Variants in STAG1 observed in about 807,000 individuals in gnomAD.
STAG1 encodes cohesin subunit SA-1.
A neutral mutation model predicts 170.9 loss-of-function variants in STAG1; 26 were observed. The ratio of observed to expected loss-of-function variants is 0.15; its 90% confidence interval spans 0.11 to 0.21. The LOEUF is 0.21. STAG1 is among the 10% of genes least tolerant of loss of function. The pLI is 1.00. For missense variants in STAG1, 964 were observed against 1,509.5 expected (o/e 0.64, Z 5.99); for synonymous variants, 514 against 497.7 (o/e 1.03, Z -0.44).
At chr3:136,383,128 T>A (rs80081203) in intron 22 of STAG1, among the ~76,000 whole-genome samples, 1 of 152,202 alleles carries the variant, frequency 6.6e-6, no homozygotes, top group Non-Finnish European at 1.5e-5. Context: ...CATGTGATAG[T>A]AAGTATCTAT....
chr3:136,348,291 G>GGT (rs1344690025), intron 29 of STAG1, among the ~76,000 whole-genome samples: 7 of 150,440 alleles, frequency 4.7e-5, no homozygotes, highest in African/African-American at 1.5e-4. Context: ...GCAATTTTTA[G>GGT]GTTTTTTTTT....
At chr3:136,541,603 T>C (rs996147457) in intron 6 of STAG1, among the ~76,000 whole-genome samples, 37 of 115,890 alleles carry the variant, frequency 3.2e-4, no homozygotes, top group Non-Finnish European at 4.1e-5. Flanking sequence ...TTGGGAGAAT[T>C]TCCACGTAAA....
Position 136,717,380 on chromosome 3 carries a change from G to A in STAG1, c.-84+34815C>T, listed in dbSNP as rs570817171. ...TGAGAAATCAATTCTAAATAATATG[G>A]AGGTCGGGTGTGGTGGCTCATGCTT... On this transcript the variant is annotated intron_variant, in intron 1 of 33. Transcript: ENST00000383202. 1.9e-3 allele frequency among the ~76,000 whole-genome samples: 285 copies of A among 152,266 alleles called. 2 individuals are homozygous for A. The highest frequency in any genetic ancestry group is 0.014 in the Middle Eastern group (4 of 294).
chr3:136,385,529 A>G (rs1013054425), intron 22 of STAG1, among the ~76,000 whole-genome samples: 4 of 152,258 alleles, frequency 2.6e-5, no homozygotes, highest in African/African-American at 9.6e-5. Flanking sequence ...AAATCATAGT[A>G]TCTTGGTTAT....
intron 8 of STAG1, among the ~76,000 whole-genome samples, chr3:136,501,175 T>G (rs901707631): frequency 2.0e-5 from 3 of 152,240 alleles, no homozygotes; most frequent in Non-Finnish European, 2.9e-5. Flanking sequence ...TTTTATTGCA[T>G]TTATCATATA....
intron 4 of STAG1, among the ~76,000 whole-genome samples, chr3:136,597,332 A>C (rs937023292): frequency 2.0e-5 from 3 of 152,162 alleles, no homozygotes; most frequent in Non-Finnish European, 2.9e-5. Flanking sequence ...CCACAGTGTA[A>C]ACACTCATTA....
At chr3:136,421,035 T>G in intron 20 of STAG1, 58 bp downstream of exon 20, 1 of 1,051,630 alleles carries the variant, frequency 9.5e-7, no homozygotes, top group Non-Finnish European at 1.4e-6. Context: ...CCTCTCAAAG[T>G]GTTGGGGTTA....
chr3:136,446,474 A>G (rs2088780981), intron 14 of STAG1, among the ~76,000 whole-genome samples: 1 of 151,336 alleles, frequency 6.6e-6, no homozygotes, highest in Non-Finnish European at 1.5e-5. Context: ...CCAGCCTGGA[A>G]TGCTACGGCA....
At position 136,630,853 on chromosome 3, in the gene STAG1, A is replaced by T; in HGVS notation, c.29+17T>A. 6.5e-7 allele frequency: 1 copy of T among 1,529,860 alleles called. No homozygotes were observed. The highest frequency in any genetic ancestry group is 1.4e-5 in the African/African-American group (1 of 71,824). The allele number at this position is 1,529,860 out of a possible 1,614,324, so 94.8% of individuals were successfully genotyped here. A position where few individuals can be genotyped will look rare whatever the true frequency, so the allele number is the denominator to read the frequency against. On this transcript the variant is annotated intron_variant, in intron 2 of 33. Transcript: ENST00000383202. ...TTTCCTTAAAAAATATAAAAAAAAG[A>T]AAATTACAATACTTACTGTAACACT...
Position 136,422,937 on chromosome 3 carries a change from TA to T in STAG1, c.1743+14del. 1 of 1,590,930 alleles carries T rather than the reference TA, an allele frequency of 6.3e-7. No homozygotes were observed. Among genetic ancestry groups the T allele is most frequent in the Non-Finnish European group, 8.6e-7 (1 of 1,166,298 alleles). On this transcript the variant is annotated intron_variant, in intron 17 of 33. Transcript: ENST00000383202. ...CAAACTCAGTGACATAACAAAACTG[TA>T]AATGAAACTGTACCTTTGACAGTAA...
At chr3:136,687,874 C>T (rs182427093) in intron 1 of STAG1, among the ~76,000 whole-genome samples, 292 of 151,792 alleles carry the variant, frequency 1.9e-3, no homozygotes, top group South Asian at 7.7e-3. Context: ...GTAGCTGGGA[C>T]TACCAACGTC....
intron 4 of STAG1, among the ~76,000 whole-genome samples, chr3:136,595,068 C>G (rs1207131045): frequency 6.6e-6 from 1 of 152,110 alleles, no homozygotes; most frequent in Non-Finnish European, 1.5e-5. Flanking sequence ...CATGTCCAGC[C>G]CTATAGTCCA....
chr3:136,703,484 A>G (rs1943137142), intron 1 of STAG1, among the ~76,000 whole-genome samples: 2 of 152,182 alleles, frequency 1.3e-5, no homozygotes, highest in Admixed American at 1.3e-4. Flanking sequence ...CACTGTTTCA[A>G]TCCCATTGAG....
intron 22 of STAG1, among the ~76,000 whole-genome samples, chr3:136,378,524 C>T (rs112754786): frequency 2.0e-5 from 3 of 152,210 alleles, no homozygotes; most frequent in South Asian, 2.1e-4. Flanking sequence ...GAAAATTAGC[C>T]GCGCATGGTG....
intron 22 of STAG1, among the ~76,000 whole-genome samples, chr3:136,396,053 C>T (rs965384304): frequency 9.2e-5 from 14 of 152,110 alleles, no homozygotes; most frequent in Admixed American, 2.6e-4. Flanking sequence ...CAGATGTGCG[C>T]CATGATGCCC....
chr3:136,642,507 C>A (rs1198974463), intron 1 of STAG1, among the ~76,000 whole-genome samples: 1 of 151,884 alleles, frequency 6.6e-6, no homozygotes, highest in Non-Finnish European at 1.5e-5. Context: ...CCCAAGTGAT[C>A]CACCCGCCTC....
intron 2 of STAG1, among the ~76,000 whole-genome samples, chr3:136,627,397 C>T (rs79379230): frequency 2.0e-5 from 3 of 152,146 alleles, no homozygotes; most frequent in African/African-American, 7.2e-5. Context: ...GCTTTTGCAT[C>T]TCTCTGTCTC....
chr3:136,728,216 A>G (rs549501542), intron 1 of STAG1, among the ~76,000 whole-genome samples: 7 of 152,334 alleles, frequency 4.6e-5, no homozygotes, highest in African/African-American at 1.7e-4. Context: ...CTTACACTAA[A>G]TAGTAAATTG....
In STAG1 at chr3:136,690,527, G is replaced by A. The variant is rs113152857; in HGVS notation, c.-83-59546C>T. 2.2e-4 allele frequency among the ~76,000 whole-genome samples: 34 copies of A among 152,308 alleles called. 1 individual carries two copies. The highest frequency in any genetic ancestry group is 7.7e-4 in the African/African-American group (32 of 41,562). Reference sequence around the variant, plus strand: ...GCTGGGATTACAGGCGTGAGCCACCGTACCCGGCCAAATCCTATTTGTTCC... The same window carrying A: ...GCTGGGATTACAGGCGTGAGCCACCATACCCGGCCAAATCCTATTTGTTCC... On this transcript the variant is annotated intron_variant, in intron 1 of 33. Coordinates refer to ENST00000383202, the MANE Select transcript of STAG1 (RefSeq NM_005862.3).
Sources: gnomAD v4.1 joint callset for allele counts (sites outside exome capture counted in the v4.1 genomes callset) on GRCh38, gnomAD v4.1.1 for gene constraint, MANE v1.5 for transcripts, NCBI Gene and HGNC (gene_info 2026-07-23, HGNC 2026-07-21) for gene names.